Variants in CMTM4 observed in about 807,000 individuals in gnomAD.
CMTM4 encodes the protein CKLF-like MARVEL transmembrane domain-containing protein 4.
A neutral mutation model predicts 19.0 loss-of-function variants in CMTM4; 8 were observed. That is an observed-to-expected ratio of 0.42 (90% CI 0.25 to 0.76). The LOEUF (loss-of-function observed/expected upper bound fraction) is 0.76, where lower values mean the gene tolerates loss of function less well. Among genes scored for constraint, CMTM4 ranks in the 30% least tolerant of loss-of-function variants. The pLI is 0.27. For missense variants in CMTM4, 228 were observed against 290.2 expected (o/e 0.79, Z 1.56); for synonymous variants, 106 against 121.1 (o/e 0.88, Z 0.82).
the CMTM4 span, among the ~76,000 whole-genome samples, chr16:66,601,107 C>CTGTGTG: frequency 4.9e-5 from 7 of 143,032 alleles, no homozygotes; most frequent in African/African-American, 1.5e-4. Context: ...GTGTGTGTGT[C>CTGTGTG]TGTGTGTGTG....
chr16:66,665,031 C>T (rs1463502808), intron 1 of CMTM4, among the ~76,000 whole-genome samples: 1 of 152,042 alleles, frequency 6.6e-6, no homozygotes, highest in African/African-American at 2.4e-5. Flanking sequence ...GCAGCCTTGA[C>T]CTACCGGGCT....
At chr16:66,663,983 A>G (rs2016547285) in intron 1 of CMTM4, among the ~76,000 whole-genome samples, 1 of 152,174 alleles carries the variant, frequency 6.6e-6, no homozygotes, top group African/African-American at 2.4e-5. Context: ...CTGTAATCCT[A>G]TCACTTTGGG....
the CMTM4 span, among the ~76,000 whole-genome samples, chr16:66,608,006 C>T: frequency 7.2e-5 from 11 of 152,172 alleles, no homozygotes; most frequent in East Asian, 1.9e-4. The surrounding 1 kb of genome is among the most constrained non-coding windows in gnomAD (Gnocchi z 5.1). Context: ...CCACCATGCC[C>T]GGCTAATTTT....
intron 1 of CMTM4, among the ~76,000 whole-genome samples, chr16:66,693,395 T>C (rs1596970588): frequency 6.6e-6 from 1 of 152,308 alleles, no homozygotes; most frequent in Admixed American, 6.5e-5. Context: ...TTTTTAAAAG[T>C]CAAATTTTTC....
intron 1 of CMTM4, among the ~76,000 whole-genome samples, chr16:66,679,862 T>G (rs1234068059): frequency 6.7e-6 from 1 of 149,138 alleles, no homozygotes; most frequent in Non-Finnish European, 1.5e-5. Context: ...CGATGAGTGA[T>G]GCTGGAGCAA....
At position 66,617,943 on chromosome 16, in the gene CMTM4, G is replaced by T. The variant is rs1024082206; in HGVS notation, c.*4115C>A. 3.0e-6 allele frequency: 3 copies of T among 987,038 alleles called. No individual in the cohort carries two copies. The highest frequency in any genetic ancestry group is 9.3e-5 in the South Asian group (2 of 21,414). 61.1% of individuals were successfully genotyped at this position (987,038 alleles called of 1,614,324 possible). A position where few individuals can be genotyped will look rare whatever the true frequency, so the allele number is the denominator to read the frequency against. The stretch of plus-strand genomic sequence containing the variant: ...CAGGAAGGCAGTTAACAAAGTACAC[G>T]TTTCCAAGACAGCCTGAGCTGTCTA... On this transcript the variant is annotated 3_prime_UTR_variant, in exon 4 of 4. Coordinates refer to ENST00000394106, the MANE Select transcript of CMTM4 (RefSeq NM_181521.3).
chr16:66,692,732 C>A (rs1336669958), intron 1 of CMTM4, among the ~76,000 whole-genome samples: 1 of 151,966 alleles, frequency 6.6e-6, no homozygotes, highest in Non-Finnish European at 1.5e-5. Context: ...ATGGGGAAAC[C>A]CCATCTCTAC....
chr16:66,613,273 T>C (rs1315932316), downstream of CMTM4: 3 of 631,012 alleles, frequency 4.8e-6, no homozygotes, highest in Non-Finnish European at 8.5e-6. Flanking sequence ...CTTCTGGGGG[T>C]GAGATGACCA....
chr16:66,655,555 G>A (rs983075315), intron 1 of CMTM4, among the ~76,000 whole-genome samples: 3 of 151,060 alleles, frequency 2.0e-5, no homozygotes, highest in African/African-American at 7.3e-5. Flanking sequence ...GTTTATTTAT[G>A]TGTGTGTGTG....
In CMTM4 at chr16:66,664,769, AC is replaced by A. The variant is rs148662289; in HGVS notation, c.187-28189del. Among the ~76,000 whole-genome samples, 611 of 152,268 alleles carry A rather than the reference AC, an allele frequency of 4.0e-3. 3 individuals are homozygous for A. The highest frequency in any genetic ancestry group is 0.014 in the African/African-American group (594 of 41,554). The stretch of plus-strand genomic sequence containing the variant: ...AGAGGAAAGGGAAAACAGGAACAAA[AC>A]AGAGGGAACAAACAGAAAATAAATA... On this transcript the variant is annotated intron_variant, in intron 1 of 3. Transcript: ENST00000394106.
intron 1 of CMTM4, among the ~76,000 whole-genome samples, chr16:66,687,519 A>G (rs2017055640): frequency 6.6e-6 from 1 of 152,070 alleles, no homozygotes; most frequent in Admixed American, 6.6e-5. Context: ...AAAATAAAAT[A>G]AAATACAAAA....
At chr16:66,664,718 C>T (rs2016561020) in intron 1 of CMTM4, among the ~76,000 whole-genome samples, 2 of 150,156 alleles carry the variant, frequency 1.3e-5, no homozygotes, top group Admixed American at 6.6e-5. Context: ...GAAATACTAA[C>T]AAATATTCAA....
chr16:66,691,812 TAAATC>T (rs900776320), intron 1 of CMTM4, among the ~76,000 whole-genome samples: 3 of 152,246 alleles, frequency 2.0e-5, no homozygotes, highest in Non-Finnish European at 4.4e-5. Flanking sequence ...CAATTTAACT[TAAATC>T]ATAAGGAATT....
chr16:66,641,784 A>G (rs1262291942), intron 1 of CMTM4, among the ~76,000 whole-genome samples: 2 of 152,240 alleles, frequency 1.3e-5, no homozygotes, highest in African/African-American at 4.8e-5. Context: ...ACAAATGACA[A>G]AATGCTATAT....
At chr16:66,658,698 C>T (rs1351592063) in intron 1 of CMTM4, among the ~76,000 whole-genome samples, 1 of 152,092 alleles carries the variant, frequency 6.6e-6, no homozygotes, top group African/African-American at 2.4e-5. Flanking sequence ...TTAGCAGCAT[C>T]CCTGGCCTCC....
intron 1 of CMTM4, among the ~76,000 whole-genome samples, chr16:66,681,186 T>C (rs544833722): frequency 1.3e-5 from 2 of 152,172 alleles, no homozygotes; most frequent in South Asian, 4.1e-4. Flanking sequence ...GGCCAGGAGT[T>C]CCAGACCAGC....
chr16:66,670,754 C>T lies in CMTM4; in HGVS notation c.186+25586G>A, dbSNP rs531981987. Among the ~76,000 whole-genome samples the T allele has an allele frequency of 1.0e-3, 153 of 151,668 alleles. 1 individual carries two copies. Among genetic ancestry groups the T allele is most frequent in the Non-Finnish European group, 1.6e-3 (111 of 67,930 alleles). ...GGTGGAGGTTGCAGTGAGCCAAGAT[C>T]GGGCCACTGCGCTCCAGCCTGGCAA... On this transcript the variant is annotated intron_variant, in intron 1 of 3. Transcript: ENST00000394106.
At chr16:66,610,848 A>C, downstream of CMTM4, 1 of 398,628 alleles carries the variant, frequency 2.5e-6, no homozygotes, top group Non-Finnish European at 4.4e-6. The surrounding 1 kb of genome is among the most constrained non-coding windows in gnomAD (Gnocchi z 4.6). Context: ...GTTTCCTAAC[A>C]GCCAGGTGCT....
intron 1 of CMTM4, among the ~76,000 whole-genome samples, chr16:66,654,545 C>T (rs190471960): frequency 6.6e-6 from 1 of 152,150 alleles, no homozygotes; most frequent in Admixed American, 6.5e-5. Context: ...AAACTGGGCA[C>T]CTCTACGTAA....
Sources: allele counts gnomAD v4.1 joint callset (sites outside exome capture counted in the v4.1 genomes callset), GRCh38; gene constraint gnomAD v4.1.1; non-coding constraint Gnocchi (gnomAD v3.1); transcripts MANE v1.5; gene names NCBI Gene and HGNC (gene_info 2026-07-23, HGNC 2026-07-21).